Variants in CHRDL2 observed in about 807,000 individuals in gnomAD.
The protein encoded by CHRDL2 is chordin like 2.
In CHRDL2, 41 loss-of-function variants were observed where a neutral mutation model predicts 54.3. That is an observed-to-expected ratio of 0.76 (90% CI 0.59 to 0.98). The LOEUF (loss-of-function observed/expected upper bound fraction) is 0.98. Ranked by LOEUF, CHRDL2 falls within the 50% of genes least tolerant of loss-of-function variation. The pLI is 0.00. For missense variants in CHRDL2, 518 were observed against 562.4 expected (o/e 0.92, Z 0.80); for synonymous variants, 220 against 224.3 (o/e 0.98, Z 0.17).
chr11:74,708,377 C>G lies in CHRDL2; in HGVS notation c.451G>C (p.Gly151Arg). The change falls in exon 5 of 11, where the codon GGC becomes CGC. Residue 151 changes from glycine to arginine, a missense_variant. By Grantham distance (125) the Gly-to-Arg change is moderately radical. Transcript: ENST00000376332. ...CSCTEGQIYC[G>R]LTTCPEPGCP... The stretch of plus-strand genomic sequence containing the variant: ...CCTGGTTCGGGGCAGGTTGTGAGGC[C>G]GCAGTAGATCTGGCCCTCCTGACAG... The G allele has an allele frequency of 6.3e-7, 1 of 1,584,376 alleles. No individual in the cohort carries two copies. Among genetic ancestry groups the G allele is most frequent in the Non-Finnish European group, 8.6e-7 (1 of 1,167,850 alleles).
In CHRDL2 at chr11:74,703,271, C is replaced by T. The variant is rs201923796; in HGVS notation, c.946+34G>A. On this transcript the variant is annotated intron_variant, in intron 8 of 10. Transcript: ENST00000376332. ...AGAGAGACCCAGGGCTCACTCTGGC[C>T]AGCGCCCTCCTTGCTCCCAGTGCCC... The T allele has an allele frequency of 5.8e-6, 9 of 1,557,612 alleles. No homozygotes were observed. The East Asian group carries it at 2.0e-4, about 35-fold the overall frequency.
At chr11:74,723,528 C>A (rs532575505) in intron 1 of CHRDL2, among the ~76,000 whole-genome samples, 15 of 152,266 alleles carry the variant, frequency 9.9e-5, no homozygotes, top group African/African-American at 3.4e-4. Flanking sequence ...TAATTGAGAA[C>A]TTTTACCTTT....
intron 1 of CHRDL2, among the ~76,000 whole-genome samples, chr11:74,724,546 TA>T (rs1267638926): frequency 6.6e-6 from 1 of 152,250 alleles, no homozygotes; most frequent in Non-Finnish European, 1.5e-5. Flanking sequence ...CTCCTCTTGC[TA>T]AATTCCTCAC....
In CHRDL2 at chr11:74,703,492, C is replaced by A; in HGVS notation, c.759G>T (p.Val253=). 6.3e-7 allele frequency: 1 copy of A among 1,596,322 alleles called. No individual in the cohort carries two copies. ...VLKEKHKKAC[V]HGGKTYSHGE... is the part of the protein sequence containing the mutation. The stretch of plus-strand genomic sequence containing the variant: ...CGTGGGAGTACGTCTTCCCGCCATG[C>A]ACACAGGCTGAATAAGGAGGGTGAG... Residue 253 remains valine (V), a synonymous_variant, in exon 8 of 11, where the codon GTG becomes GTT. Coordinates refer to ENST00000376332, the MANE Select transcript of CHRDL2 (RefSeq NM_001278473.3).
At chr11:74,697,157 C>G (rs1175766763) in intron 10 of CHRDL2, 48 bp downstream of exon 10, 7 of 1,489,460 alleles carry the variant, frequency 4.7e-6, no homozygotes, top group Non-Finnish European at 6.5e-6. Context: ...TGGCCCGTGT[C>G]CTTGCCTTCT....
At chr11:74,703,530 TCAGGGCCTCAGACCTGGC>T in intron 7 of CHRDL2, 31 bp from the exon 8 acceptor site, 5 of 1,484,640 alleles carry the variant, frequency 3.4e-6, no homozygotes, top group South Asian at 1.3e-5. Context: ...GGAAGGAGGA[TCAGGGCCTCAGACCTGGC>T]CAGGGCCTCT....
At chr11:74,730,661 C>G in intron 1 of CHRDL2, 146 bp downstream of exon 1, 1 of 747,610 alleles carries the variant, frequency 1.3e-6, no homozygotes, top group South Asian at 1.6e-5. Context: ...CCGGCCCATA[C>G]TGGTCCTCAC....
chr11:74,698,073 T>C (rs976432124), intron 9 of CHRDL2, among the ~76,000 whole-genome samples: 2 of 151,126 alleles, frequency 1.3e-5, no homozygotes, highest in East Asian at 1.9e-4. Context: ...TTTTCTTTTT[T>C]TTTTTTTTTG....
At chr11:74,708,979 C>T (rs2034101927) in intron 4 of CHRDL2, among the ~76,000 whole-genome samples, 1 of 152,162 alleles carries the variant, frequency 6.6e-6, no homozygotes, top group African/African-American at 2.4e-5. Flanking sequence ...GGGGTCACAC[C>T]CATTTGGGGT....
At chr11:74,721,461 A>G (rs2034499090) in intron 1 of CHRDL2, among the ~76,000 whole-genome samples, 1 of 152,228 alleles carries the variant, frequency 6.6e-6, no homozygotes, top group Non-Finnish European at 1.5e-5. Flanking sequence ...CAGACCTGGC[A>G]GAGGCTGAGA....
chr11:74,706,804 A>G (rs2034025120), intron 5 of CHRDL2, among the ~76,000 whole-genome samples: 1 of 152,190 alleles, frequency 6.6e-6, no homozygotes, highest in Non-Finnish European at 1.5e-5. Flanking sequence ...CCTGGTAACC[A>G]TTAGGACTGA....
At chr11:74,720,521 C>T (rs1248632017) in intron 1 of CHRDL2, among the ~76,000 whole-genome samples, 2 of 152,130 alleles carry the variant, frequency 1.3e-5, no homozygotes, top group East Asian at 3.9e-4. Flanking sequence ...CTCTCTGCCC[C>T]ACCAGCCACC....
chr11:74,705,136 G>C (rs757096327), intron 6 of CHRDL2, among the ~76,000 whole-genome samples: 2 of 152,104 alleles, frequency 1.3e-5, no homozygotes, highest in Non-Finnish European at 2.9e-5. Flanking sequence ...GGGGCGTGAA[G>C]ACCAAGAGCA....
intron 1 of CHRDL2, among the ~76,000 whole-genome samples, chr11:74,720,502 CCTT>C (rs61239552): frequency 0.02 from 3,086 of 152,242 alleles, 112 homozygotes; most frequent in African/African-American, 0.07. Flanking sequence ...GGCCTAAAGG[CCTT>C]CTTCTCTCTC....
rs187723996 is a variant in CHRDL2 at position 74,710,767 on chromosome 11, C to T, written c.432+82G>A. On this transcript the variant is annotated intron_variant, in intron 4 of 10. Coordinates refer to ENST00000376332, the MANE Select transcript of CHRDL2 (RefSeq NM_001278473.3). Reference sequence around the variant, plus strand: ...TTGCTTTGGCCAGGAGGAACAATCCCCCCAGTCCGCAGTCCAGGCTACTAT... The same window carrying T: ...TTGCTTTGGCCAGGAGGAACAATCCTCCCAGTCCGCAGTCCAGGCTACTAT... 3.6e-5 allele frequency: 54 copies of T among 1,495,160 alleles called. No individual in the cohort carries two copies. In the African/African-American group the frequency reaches 6.4e-4, roughly 18 times the overall value. The allele number at this position is 1,495,160 out of a possible 1,614,324, so 92.6% of individuals were successfully genotyped here. A position where few individuals can be genotyped will look rare whatever the true frequency, so the allele number is the denominator to read the frequency against.
intron 2 of CHRDL2, among the ~76,000 whole-genome samples, chr11:74,718,312 T>C (rs2034413879): frequency 6.6e-6 from 1 of 152,086 alleles, no homozygotes. Context: ...GTTGGGCTAG[T>C]GGAGGTGGGG....
chr11:74,725,675 A>C (rs1242683009), intron 1 of CHRDL2, among the ~76,000 whole-genome samples: 1 of 152,214 alleles, frequency 6.6e-6, no homozygotes, highest in African/African-American at 2.4e-5. Context: ...TAGGAAGCAG[A>C]AAAGACAACT....
chr11:74,721,501 T>G (rs2034499789), intron 1 of CHRDL2, among the ~76,000 whole-genome samples: 1 of 152,300 alleles, frequency 6.6e-6, no homozygotes, highest in South Asian at 2.1e-4. Context: ...AGGCCTCCAG[T>G]GGCCACAATC....
At chr11:74,719,328 C>G (rs1470712092) in intron 1 of CHRDL2, 2 of 158,080 alleles carry the variant, frequency 1.3e-5, no homozygotes, top group Non-Finnish European at 2.8e-5. Flanking sequence ...AGTACATCAC[C>G]TCACCCTTCC....
Sources: allele counts gnomAD v4.1 joint callset (sites outside exome capture counted in the v4.1 genomes callset), GRCh38; gene constraint gnomAD v4.1.1; transcripts MANE v1.5; gene names NCBI Gene and HGNC (gene_info 2026-07-23, HGNC 2026-07-21).